GRID2: variants seen among roughly 807,000 people sequenced by gnomAD.
The protein encoded by GRID2 is glutamate ionotropic receptor delta type subunit 2, also known as glutamate receptor ionotropic, delta-2.
A neutral mutation model predicts 114.8 loss-of-function variants in GRID2; 33 were observed. The observed-to-expected ratio is 0.29, with a 90% CI of 0.22 to 0.38. The LOEUF (loss-of-function observed/expected upper bound fraction) is 0.38. Among genes scored for constraint, GRID2 ranks in the 10% least tolerant of loss-of-function variants. GRID2 has a pLI of 1.00. For missense variants in GRID2, 1,184 were observed against 1,257.7 expected (o/e 0.94, Z 0.89); for synonymous variants, 505 against 449.9 (o/e 1.12, Z -1.55).
At chr4:93,517,514 A>G (rs931215604) in intron 13 of GRID2, among the ~76,000 whole-genome samples, 5 of 152,020 alleles carry the variant, frequency 3.3e-5, no homozygotes, top group East Asian at 3.9e-4. Flanking sequence ...TGTTTGTACT[A>G]TATATTTCTT....
At chr4:92,355,144 A>T (rs1304237050) in intron 1 of GRID2, among the ~76,000 whole-genome samples, 1 of 151,854 alleles carries the variant, frequency 6.6e-6, no homozygotes, top group African/African-American at 2.4e-5. Context: ...CATGCTTATC[A>T]TCTGTATTTT....
chr4:92,809,948 G>A (rs79041160), intron 2 of GRID2, among the ~76,000 whole-genome samples: 3,477 of 152,042 alleles, frequency 0.023, 99 homozygotes, highest in East Asian at 0.12. Flanking sequence ...TTCAACAAAC[G>A]TTGGTCCTGT....
intron 2 of GRID2, among the ~76,000 whole-genome samples, chr4:92,909,247 A>C (rs1748190145): frequency 1.3e-5 from 2 of 151,924 alleles, no homozygotes; most frequent in South Asian, 4.1e-4. Flanking sequence ...AAAACATGCA[A>C]TAAAGTTAGT....
intron 13 of GRID2, among the ~76,000 whole-genome samples, chr4:93,584,439 T>G (rs1222380232): frequency 1.3e-5 from 2 of 152,096 alleles, no homozygotes; most frequent in Admixed American, 6.6e-5. Context: ...TGAAAAAAAT[T>G]TTCTTCCTTT....
chr4:92,594,767 T>G (rs1728867609), intron 2 of GRID2, among the ~76,000 whole-genome samples: 1 of 151,998 alleles, frequency 6.6e-6, no homozygotes, highest in Non-Finnish European at 1.5e-5. Context: ...CTCTTATAAA[T>G]TTTTTCTTCT....
chr4:92,911,544 T>C (rs889268738), intron 2 of GRID2, among the ~76,000 whole-genome samples: 2 of 151,948 alleles, frequency 1.3e-5, no homozygotes, highest in Admixed American at 1.3e-4. Context: ...ATAAAACAAA[T>C]ACTATGTCAT....
intron 1 of GRID2, among the ~76,000 whole-genome samples, chr4:92,464,553 A>G (rs1002286417): frequency 3.3e-5 from 5 of 152,018 alleles, no homozygotes; most frequent in African/African-American, 9.7e-5. Context: ...TAATATTTCG[A>G]GTGAGTTTTA....
chr4:92,716,737 G>T (rs966489690), intron 2 of GRID2, among the ~76,000 whole-genome samples: 1 of 152,096 alleles, frequency 6.6e-6, no homozygotes, highest in Non-Finnish European at 1.5e-5. Flanking sequence ...CCTATTATAC[G>T]CTTTGAGTCA....
chr4:92,332,799 C>T (rs1470341646), intron 1 of GRID2, among the ~76,000 whole-genome samples: 3 of 152,242 alleles, frequency 2.0e-5, no homozygotes, highest in East Asian at 1.9e-4. Context: ...AACCCAACAA[C>T]GAAAACAAAA....
At chr4:93,542,040 G>T (rs57322026) in intron 13 of GRID2, among the ~76,000 whole-genome samples, 3,589 of 152,090 alleles carry the variant, frequency 0.024, 62 homozygotes, top group South Asian at 0.045. Context: ...GCCCAACTTG[G>T]GTCACTACCC....
At chr4:93,461,091 A>G (rs1723699593) in intron 11 of GRID2, among the ~76,000 whole-genome samples, 2 of 152,220 alleles carry the variant, frequency 1.3e-5, no homozygotes, top group African/African-American at 4.8e-5. Context: ...ACAGATAACA[A>G]AAGTTATAAA....
chr4:92,718,767 A>C (rs1735668754), intron 2 of GRID2, among the ~76,000 whole-genome samples: 1 of 150,798 alleles, frequency 6.6e-6, no homozygotes, highest in Non-Finnish European at 1.5e-5. Flanking sequence ...TGTCCAAAAA[A>C]AAAAAAAAAA....
intron 8 of GRID2, among the ~76,000 whole-genome samples, chr4:93,369,430 A>G (rs750226322): frequency 1.3e-5 from 2 of 152,200 alleles, no homozygotes; most frequent in African/African-American, 2.4e-5. Flanking sequence ...AGGATTTAAT[A>G]TCTCTGGGTG....
intron 8 of GRID2, among the ~76,000 whole-genome samples, chr4:93,393,729 C>T (rs1328132739): frequency 1.3e-5 from 2 of 151,968 alleles, no homozygotes; most frequent in East Asian, 1.9e-4. Flanking sequence ...TCAGGTTTCA[C>T]TGTTAATCCA....
chr4:93,111,049 G>T, intron 4 of GRID2, 96 bp downstream of exon 4: 1 of 758,134 alleles, frequency 1.3e-6, no homozygotes. Context: ...AGCAGTGCGA[G>T]GGAATTAACT....
chr4:92,919,695 G>C (rs866240713), intron 2 of GRID2, among the ~76,000 whole-genome samples: 38 of 152,292 alleles, frequency 2.5e-4, no homozygotes, highest in Non-Finnish European at 4.7e-4. Context: ...GTTCTAGTTT[G>C]ATTGCACTGT....
At chr4:92,542,470 T>C (rs1322369983) in intron 1 of GRID2, among the ~76,000 whole-genome samples, 1 of 152,164 alleles carries the variant, frequency 6.6e-6, no homozygotes, top group Admixed American at 6.6e-5. Flanking sequence ...TATGAAATAA[T>C]GGCATTTGCA....
At chr4:93,297,192 G>T (rs17020347) in intron 8 of GRID2, among the ~76,000 whole-genome samples, 8,234 of 152,140 alleles carry the variant, frequency 0.054, 750 homozygotes, top group African/African-American at 0.19. Flanking sequence ...TTTCTATTAC[G>T]CATGGGCTGT....
chr4:93,083,400 A>C (rs1379510330), intron 2 of GRID2, among the ~76,000 whole-genome samples: 1 of 152,102 alleles, frequency 6.6e-6, no homozygotes, highest in Non-Finnish European at 1.5e-5. Context: ...ATGGTCTAAG[A>C]AGCATCCATC....
Sources: allele counts gnomAD v4.1 joint callset (sites outside exome capture counted in the v4.1 genomes callset), GRCh38; gene constraint gnomAD v4.1.1; transcripts MANE v1.5; gene names NCBI Gene and HGNC (gene_info 2026-07-23, HGNC 2026-07-21).